EXD3: variants seen among roughly 807,000 people sequenced by gnomAD.
EXD3 encodes exonuclease mut-7 homolog.
A neutral mutation model predicts 98.0 loss-of-function variants in EXD3; 92 were observed. The ratio of observed to expected loss-of-function variants is 0.94; its 90% CI spans 0.79 to 1.12. EXD3 has a LOEUF of 1.12. Among genes scored for constraint, EXD3 ranks in the 50% most tolerant of loss-of-function variants. EXD3 has a pLI of 0.00. For synonymous variants in EXD3, 569 were observed against 526.0 expected (o/e 1.08, Z -1.12); for missense variants, 1,222 against 1,191.6 (o/e 1.03, Z -0.38).
rs1313818943 is a variant in EXD3, at chr9:137,403,438, C to G, written c.-47-8034G>C. ...ACCCCCAGCCCAGCAGCAGCAGCAG[C>G]CAGCACACCCTGGCCCAGGGTCTCC... On this transcript the variant is annotated intron_variant, in intron 1 of 21. Coordinates refer to ENST00000340951, the MANE Select transcript of EXD3 (RefSeq NM_017820.5). The surrounding 1 kb of genome is among the most constrained non-coding windows in gnomAD (Gnocchi z 6.1). Among the ~76,000 whole-genome samples the G allele has an allele frequency of 6.6e-6, 1 of 151,970 alleles. No individual in the cohort carries two copies. The highest frequency in any genetic ancestry group is 1.5e-5 in the Non-Finnish European group (1 of 67,988).
intron 5 of EXD3, among the ~76,000 whole-genome samples, 162 bp downstream of exon 5, chr9:137,372,743 C>T (rs533115911): frequency 1.2e-4 from 18 of 152,318 alleles, no homozygotes; most frequent in Admixed American, 7.2e-4. Flanking sequence ...CCCGGCACCC[C>T]GCACACAGCT....
At chr9:137,390,234 T>A (rs1234135309) in intron 2 of EXD3, among the ~76,000 whole-genome samples, 1 of 144,400 alleles carries the variant, frequency 6.9e-6, no homozygotes, top group South Asian at 2.3e-4. Flanking sequence ...ATCGAGACCA[T>A]CCTGGCTAAC....
chr9:137,353,228 TCCAGCCTC>T, intron 10 of EXD3: 1 of 956,542 alleles, frequency 1.0e-6, no homozygotes, highest in South Asian at 4.9e-5. Context: ...CACTGACCTT[TCCAGCCTC>T]CAAGCCTCCA....
intron 1 of EXD3, among the ~76,000 whole-genome samples, chr9:137,396,302 C>T (rs1837214337): frequency 6.6e-6 from 1 of 152,204 alleles, no homozygotes; most frequent in African/African-American, 2.4e-5. Flanking sequence ...CCCTTATCTA[C>T]ACTTACGAGG....
intron 1 of EXD3, among the ~76,000 whole-genome samples, chr9:137,397,008 G>A (rs1470274066): frequency 1.3e-5 from 2 of 152,324 alleles, no homozygotes; most frequent in East Asian, 3.9e-4. Flanking sequence ...CTGCAGGAGG[G>A]GCTGCTGGGG....
chr9:137,411,620 C>T (rs1838001929), intron 1 of EXD3, among the ~76,000 whole-genome samples: 1 of 151,344 alleles, frequency 6.6e-6, no homozygotes. Context: ...CCAGCGGCGG[C>T]CGTCAGTCTC....
At chr9:137,389,980 A>G (rs1312958084) in intron 2 of EXD3, among the ~76,000 whole-genome samples, 5 of 151,372 alleles carry the variant, frequency 3.3e-5, no homozygotes, top group Admixed American at 1.3e-4. Flanking sequence ...AAATTACCCA[A>G]GCATGGTGGT....
rs1383892406 is a variant in EXD3, at chr9:137,349,641, C to T, written c.1495-110G>A. 8.7e-7 allele frequency: 1 copy of T among 1,147,346 alleles called. No individual in the cohort carries two copies. The allele number at this position is 1,147,346 out of a possible 1,614,324, so 71.1% of individuals were successfully genotyped here. A position where few individuals can be genotyped will look rare whatever the true frequency, so the allele number is the denominator to read the frequency against. On this transcript the variant is annotated intron_variant, in intron 14 of 21. Transcript: ENST00000340951. The surrounding 1 kb of genome is among the most constrained non-coding windows in gnomAD (Gnocchi z 7.4). ...GGCTCTGGAGGAGGCCCCGCCCCCTCCACCAGCGGCCCCCACAGCAGAGAC... is the reference window on the plus strand; with the variant it reads ...GGCTCTGGAGGAGGCCCCGCCCCCTTCACCAGCGGCCCCCACAGCAGAGAC...
chr9:137,374,127 CGCTGCTGTGCAGCA>C (rs1835779956), intron 3 of EXD3, among the ~76,000 whole-genome samples: 1 of 152,286 alleles, frequency 6.6e-6, no homozygotes, highest in Non-Finnish European at 1.5e-5. Context: ...AGTTGGCCCT[CGCTGCTGTGCAGCA>C]GCCTCAGCGG....
At chr9:137,316,454 GC>G (rs1228030449) in intron 19 of EXD3, among the ~76,000 whole-genome samples, 2 of 152,056 alleles carry the variant, frequency 1.3e-5, no homozygotes, top group East Asian at 3.9e-4. Context: ...TAGCCCGCGC[GC>G]CCCGGGCGTG....
In EXD3 at chr9:137,407,578, C is replaced by T. The variant is rs1837789320; in HGVS notation, c.-47-12174G>A. 6.6e-6 allele frequency among the ~76,000 whole-genome samples: 1 copy of T among 152,148 alleles called. No individual in the cohort carries two copies. The highest frequency in any genetic ancestry group is 1.5e-5 in the Non-Finnish European group (1 of 68,016). ...GGCTAAGGGAGGGTGACTGGTGGCC[C>T]GCAGGCCCTTCAGAGGGTCCCTGAC... On this transcript the variant is annotated intron_variant, in intron 1 of 21. Transcript: ENST00000340951. This position sits in a 1 kb window ranked among gnomAD's most constrained non-coding sequence, Gnocchi z 4.4.
chr9:137,420,572 G>T (rs759104010), intron 1 of EXD3, among the ~76,000 whole-genome samples: 5 of 152,170 alleles, frequency 3.3e-5, no homozygotes, highest in Non-Finnish European at 5.9e-5. Context: ...GAGGAATCGA[G>T]GTTCGCTTTA....
At chr9:137,364,976 G>A (rs1421995081) in intron 7 of EXD3, among the ~76,000 whole-genome samples, 2 of 151,552 alleles carry the variant, frequency 1.3e-5, no homozygotes, top group African/African-American at 2.4e-5. Flanking sequence ...CACTGTGTTA[G>A]CCAGGATGGT....
chr9:137,341,515 C>T (rs979340405), intron 17 of EXD3, among the ~76,000 whole-genome samples: 1 of 151,570 alleles, frequency 6.6e-6, no homozygotes, highest in Admixed American at 6.6e-5. Flanking sequence ...GCACCAGGAG[C>T]CGTCTCCCAG....
Position 137,351,050 on chromosome 9 carries a change from C to T in EXD3, c.1482G>A (p.Leu494=), listed in dbSNP as rs569192066. 6.4e-7 allele frequency: 1 copy of T among 1,564,330 alleles called. No homozygotes were observed. The highest frequency in any genetic ancestry group is 1.2e-5 in the South Asian group (1 of 84,900). The part of the protein sequence containing the change: ...KQILGGMDLL[L]VHRQMRVASV... ...AGTGGGTGCCCACCTGTCTGTGCAC[C>T]AGCAGCAGGTCCATGCCGCCCAGAA... is the stretch of plus-strand genomic sequence containing the variant. Residue 494 remains leucine, a synonymous_variant, in exon 14 of 22, where the codon CTG becomes CTA. Transcript: ENST00000340951.
At chr9:137,361,944 A>G (rs1835015393) in intron 7 of EXD3, among the ~76,000 whole-genome samples, 1 of 152,152 alleles carries the variant, frequency 6.6e-6, no homozygotes, top group Non-Finnish European at 1.5e-5. Flanking sequence ...ACAGGAGACT[A>G]TTATGAACAA....
At chr9:137,336,538 G>A (rs996074837) in intron 17 of EXD3, among the ~76,000 whole-genome samples, 2 of 151,880 alleles carry the variant, frequency 1.3e-5, no homozygotes, top group African/African-American at 2.4e-5. Flanking sequence ...CTGGGTGCCT[G>A]TAGTCTCAGC....
At position 137,417,447 on chromosome 9, in the gene EXD3, G is replaced by T. The variant is rs929899975; in HGVS notation, c.-48+5667C>A. On this transcript the variant is annotated intron_variant, in intron 1 of 21. Coordinates refer to ENST00000340951, the MANE Select transcript of EXD3 (RefSeq NM_017820.5). The stretch of plus-strand genomic sequence containing the variant: ...AGGCCCCTGCTGACCGCATCTGCAC[G>T]GAGCCAACGGCGCGAGGGGCGGGAG... 6.6e-4 allele frequency among the ~76,000 whole-genome samples: 101 copies of T among 152,316 alleles called. 3 individuals are homozygous for T. The highest frequency in any genetic ancestry group is 6.0e-3 in the East Asian group (31 of 5,166).
At chr9:137,404,715 C>T (rs978102482) in intron 1 of EXD3, among the ~76,000 whole-genome samples, 2 of 152,162 alleles carry the variant, frequency 1.3e-5, no homozygotes, top group Non-Finnish European at 2.9e-5. Context: ...ATAAAATTAG[C>T]TGGGCGTGGT....
Sources: allele counts gnomAD v4.1 joint callset (sites outside exome capture counted in the v4.1 genomes callset), GRCh38; gene constraint gnomAD v4.1.1; non-coding constraint Gnocchi (gnomAD v3.1); transcripts MANE v1.5; gene names NCBI Gene and HGNC (gene_info 2026-07-23, HGNC 2026-07-21).